The following ELMOD2 variants were observed in gnomAD, a reference collection of about 807,000 sequenced individuals.
ELMOD2 encodes ELMO domain containing 2, also known as ELMO domain-containing protein 2.
ELMOD2 carries 28 observed loss-of-function variants against 41.0 expected under a neutral mutation model. The observed-to-expected ratio is 0.68, with a 90% CI of 0.51 to 0.94. The LOEUF is 0.94. ELMOD2 is among the 40% of genes least tolerant of loss of function. The pLI, the probability that ELMOD2 is intolerant of heterozygous loss-of-function variation, is 0.00. For synonymous variants in ELMOD2, 106 were observed against 107.2 expected (o/e 0.99, Z 0.07); for missense variants, 333 against 343.1 (o/e 0.97, Z 0.23).
chr4:140,526,899 T>C (rs2110816293), intron 2 of ELMOD2: 1 of 152,460 alleles, frequency 6.6e-6, no homozygotes, highest in African/African-American at 2.4e-5. Flanking sequence ...TGAGAAAAGA[T>C]TATTCGTAAA....
In ELMOD2 at chr4:140,552,601, A is replaced by G. The variant is rs1560838532; in HGVS notation, c.*2226A>G. On this transcript the variant is annotated 3_prime_UTR_variant, in exon 9 of 9. Transcript: ENST00000323570. The stretch of plus-strand genomic sequence containing the variant: ...AAAATATAATTGTGTCTACCTTCCT[A>G]CTTTCCCTTTTGACATATGTAGTTG... The G allele has an allele frequency of 2.6e-5, 4 of 152,150 alleles. No individual in the cohort carries two copies. In the East Asian group the frequency reaches 5.8e-4, roughly 22 times the overall value. 9.4% of individuals were successfully genotyped at this position (152,150 alleles called of 1,614,324 possible). A position where few individuals can be genotyped will look rare whatever the true frequency, so the allele number is the denominator to read the frequency against.
chr4:140,544,039 CTGAG>C (rs567668914), intron 8 of ELMOD2, among the ~76,000 whole-genome samples: 310 of 152,248 alleles, frequency 2.0e-3, no homozygotes, highest in Non-Finnish European at 3.1e-3. Flanking sequence ...GTTAGAGGTA[CTGAG>C]TAACTGTTCC....
intron 3 of ELMOD2, 181 bp from the exon 4 acceptor site, chr4:140,535,552 A>C: frequency 1.9e-6 from 1 of 513,268 alleles, no homozygotes; most frequent in Non-Finnish European, 3.4e-6. Flanking sequence ...CTTTTATTAT[A>C]AAACTATATA....
At chr4:140,526,014 A>G (rs1184562694) in intron 2 of ELMOD2, among the ~76,000 whole-genome samples, 1 of 152,218 alleles carries the variant, frequency 6.6e-6, no homozygotes, top group African/African-American at 2.4e-5. Flanking sequence ...TCTCTAGGAA[A>G]GATTATTAGA....
Position 140,545,936 on chromosome 4 carries a change from C to T in ELMOD2, c.736+2350C>T, listed in dbSNP as rs190343439. Among the ~76,000 whole-genome samples the T allele has an allele frequency of 2.5e-3, 384 of 152,250 alleles. 5 individuals are homozygous for T. The highest frequency in any genetic ancestry group is 2.8e-3 in the Non-Finnish European group (189 of 68,010). On this transcript the variant is annotated intron_variant, in intron 8 of 8. Coordinates refer to ENST00000323570, the MANE Select transcript of ELMOD2 (RefSeq NM_153702.4). The stretch of plus-strand genomic sequence containing the variant: ...TGTGGAAGACAGTGTGGTGATTCCT[C>T]AGGGATCTAGAACTAGAAATACCAC...
intron 4 of ELMOD2, among the ~76,000 whole-genome samples, chr4:140,536,195 C>T (rs1048946250): frequency 6.6e-5 from 10 of 152,176 alleles, no homozygotes; most frequent in Admixed American, 1.3e-4. Flanking sequence ...AGGTGCATTG[C>T]TGTGGCATCT....
At chr4:140,539,698 C>A (rs182882166) in intron 5 of ELMOD2, among the ~76,000 whole-genome samples, 10 of 152,282 alleles carry the variant, frequency 6.6e-5, no homozygotes, top group African/African-American at 2.4e-4. Flanking sequence ...AAAACCAAAT[C>A]ATATTTTTTT....
intron 2 of ELMOD2, among the ~76,000 whole-genome samples, chr4:140,527,118 A>G (rs1423064178): frequency 6.6e-6 from 1 of 152,204 alleles, no homozygotes; most frequent in African/African-American, 2.4e-5. Flanking sequence ...GAGCACTCTC[A>G]TTGTAGTCTT....
Position 140,542,518 on chromosome 4 carries a change from A to T in ELMOD2, c.534-56A>T, listed in dbSNP as rs1160331564. ...CAGTAGCTTTTTAAATTGGTTCTGG[A>T]TATCTTACATTTGAATGGCGTACAT... On this transcript the variant is annotated intron_variant, in intron 6 of 8. Transcript: ENST00000323570. The T allele has an allele frequency of 2.3e-6, 3 of 1,331,976 alleles. No homozygotes were observed. The Admixed American group carries it at 5.5e-5, about 25-fold the overall frequency. The allele number at this position is 1,331,976 out of a possible 1,614,324, so 82.5% of individuals were successfully genotyped here. A position where few individuals can be genotyped will look rare whatever the true frequency, so the allele number is the denominator to read the frequency against.
chr4:140,550,192 C>G (rs1735427148), intron 8 of ELMOD2, 38 bp from the exon 9 acceptor site: 2 of 1,555,404 alleles, frequency 1.3e-6, no homozygotes, highest in Admixed American at 1.8e-5. Flanking sequence ...GTGATTTCAA[C>G]ATTGAGGATT....
intron 3 of ELMOD2, among the ~76,000 whole-genome samples, chr4:140,528,560 G>C (rs1228057834): frequency 6.6e-6 from 1 of 151,940 alleles, no homozygotes; most frequent in East Asian, 1.9e-4. Flanking sequence ...TGTGTATTTT[G>C]GACATCCACA....
chr4:140,544,564 A>C (rs1735211248), intron 8 of ELMOD2, among the ~76,000 whole-genome samples: 1 of 152,050 alleles, frequency 6.6e-6, no homozygotes, highest in African/African-American at 2.4e-5. Context: ...CCACTCCCAA[A>C]AATTATTCAA....
At chr4:140,526,480 C>T (rs1468091159) in intron 2 of ELMOD2, among the ~76,000 whole-genome samples, 1 of 152,186 alleles carries the variant, frequency 6.6e-6, no homozygotes, top group Non-Finnish European at 1.5e-5. Flanking sequence ...AGTGCTCTAG[C>T]TCATGCTCTC....
rs1180003781 is a variant in ELMOD2, at chr4:140,550,612, A to G, written c.*237A>G. 11 of 274,674 alleles carry G rather than the reference A, an allele frequency of 4.0e-5. No individual in the cohort carries two copies. The highest frequency in any genetic ancestry group is 6.6e-5 in the Non-Finnish European group (10 of 150,750). The allele number at this position is 274,674 out of a possible 1,614,324, so 17.0% of individuals were successfully genotyped here. A position where few individuals can be genotyped will look rare whatever the true frequency, so the allele number is the denominator to read the frequency against. ...TCCCCTCTGTAGAGTCATGCGAACTACAGTTTGGAACTTGGGACTTAGCCC... is the reference window on the plus strand; with the variant it reads ...TCCCCTCTGTAGAGTCATGCGAACTGCAGTTTGGAACTTGGGACTTAGCCC... On this transcript the variant is annotated 3_prime_UTR_variant, in exon 9 of 9. Coordinates refer to ENST00000323570, the MANE Select transcript of ELMOD2 (RefSeq NM_153702.4).
chr4:140,546,460 A>G (rs939794836), intron 8 of ELMOD2, among the ~76,000 whole-genome samples: 3 of 152,204 alleles, frequency 2.0e-5, no homozygotes, highest in South Asian at 2.1e-4. Flanking sequence ...CGTTGTGCAC[A>G]TGTACCCTAG....
At chr4:140,535,957 T>G (rs1220987787) in intron 4 of ELMOD2, 127 bp downstream of exon 4, 1 of 796,486 alleles carries the variant, frequency 1.3e-6, no homozygotes, top group Admixed American at 3.5e-5. Flanking sequence ...GCGCTCTCAC[T>G]TCACAAGAGG....
rs548039499 is a variant in ELMOD2 at position 140,550,472 on chromosome 4, A to T, written c.*97A>T. 4.2e-6 allele frequency: 5 copies of T among 1,198,758 alleles called. No individual in the cohort carries two copies. The highest frequency in any genetic ancestry group is 2.8e-5 in the Admixed American group (1 of 35,284). The allele number at this position is 1,198,758 out of a possible 1,614,324, so 74.3% of individuals were successfully genotyped here. On this transcript the variant is annotated 3_prime_UTR_variant, in exon 9 of 9. Coordinates refer to ENST00000323570, the MANE Select transcript of ELMOD2 (RefSeq NM_153702.4). ...TATCTGATCAATTACACTCTTATAT[A>T]TAATTTCCTACAAAAATATTTCAGA... is the stretch of plus-strand genomic sequence containing the variant.
chr4:140,539,305 T>G (rs561955037), intron 5 of ELMOD2, among the ~76,000 whole-genome samples: 1 of 152,184 alleles, frequency 6.6e-6, no homozygotes, highest in Non-Finnish European at 1.5e-5. Context: ...ACAATAAATT[T>G]TCTTTATTTT....
At chr4:140,537,680 T>C in intron 5 of ELMOD2, 139 bp downstream of exon 5, 1 of 955,140 alleles carries the variant, frequency 1.0e-6, no homozygotes, top group Non-Finnish European at 1.5e-6. Flanking sequence ...AATTTTATTA[T>C]GCTGGATTTC....
Sources: gnomAD v4.1 joint callset for allele counts (sites outside exome capture counted in the v4.1 genomes callset) on GRCh38, gnomAD v4.1.1 for gene constraint, MANE v1.5 for transcripts, NCBI Gene and HGNC (gene_info 2026-07-23, HGNC 2026-07-21) for gene names.